DNAH8: variants seen among roughly 807,000 people sequenced by gnomAD.
DNAH8 encodes dynein axonemal heavy chain 8, also known as axonemal beta dynein heavy chain 8.
Under a neutral mutation model 562.1 loss-of-function variants are expected in DNAH8, and 382 were observed. The observed-to-expected ratio is 0.68, with a 90% CI of 0.63 to 0.74. The LOEUF is 0.74. DNAH8 is among the 30% of genes least tolerant of loss of function. The pLI, the probability that DNAH8 is intolerant of heterozygous loss-of-function variation, is 0.00. For missense variants in DNAH8, 5,203 were observed against 5,620.4 expected, an observed-to-expected ratio of 0.93 and a Z score of 2.37; for synonymous variants, 1,881 against 1,919.4, an observed-to-expected ratio of 0.98 and a Z score of 0.52.
intron 88 of DNAH8, among the ~76,000 whole-genome samples, chr6:39,004,076 C>T (rs1765650948): frequency 6.6e-6 from 1 of 151,964 alleles, no homozygotes; most frequent in African/African-American, 2.4e-5. Context: ...TTATTTTGGT[C>T]TAAAATTAAT....
At chr6:38,771,451 T>C (rs1026134779) in intron 12 of DNAH8, among the ~76,000 whole-genome samples, 1 of 152,326 alleles carries the variant, frequency 6.6e-6, no homozygotes, top group Middle Eastern at 3.4e-3. Flanking sequence ...TGTTTTCTAG[T>C]GTATTAACAG....
intron 76 of DNAH8, among the ~76,000 whole-genome samples, chr6:38,933,639 T>G (rs1285298916): frequency 6.6e-6 from 1 of 152,236 alleles, no homozygotes; most frequent in Non-Finnish European, 1.5e-5. Context: ...GGGTGACCAT[T>G]TTAATGAAAA....
chr6:38,789,164 T>G (rs149859559), intron 18 of DNAH8, among the ~76,000 whole-genome samples: 420 of 152,300 alleles, frequency 2.8e-3, no homozygotes, highest in Middle Eastern at 0.024. Flanking sequence ...GAAATAAAAC[T>G]TCAACTACAA....
At chr6:38,953,615 T>C (rs1762063588) in intron 82 of DNAH8, among the ~76,000 whole-genome samples, 1 of 152,152 alleles carries the variant, frequency 6.6e-6, no homozygotes, top group Admixed American at 6.5e-5. Flanking sequence ...AAATGAATTT[T>C]ATAAACAATT....
chr6:38,879,391 G>C (rs1362838507), intron 53 of DNAH8, among the ~76,000 whole-genome samples: 1 of 152,012 alleles, frequency 6.6e-6, no homozygotes, highest in Non-Finnish European at 1.5e-5. Context: ...GTATACAAAA[G>C]TCCAACTGTG....
At chr6:38,810,953 T>G (rs1261235707) in intron 24 of DNAH8, among the ~76,000 whole-genome samples, 2 of 152,188 alleles carry the variant, frequency 1.3e-5, no homozygotes, top group Non-Finnish European at 2.9e-5. Context: ...CTTTTAGTAC[T>G]TGGAAAGTAT....
intron 75 of DNAH8, chr6:38,931,449 G>GA (rs1344926723): frequency 6.5e-6 from 1 of 153,610 alleles, no homozygotes; most frequent in Non-Finnish European, 1.4e-5. Context: ...CTTAACTGGA[G>GA]AAAAAATAGC....
At chr6:38,730,079 T>G (rs1364734948) in intron 4 of DNAH8, 93 bp downstream of exon 4, 3 of 622,400 alleles carry the variant, frequency 4.8e-6, no homozygotes, top group Admixed American at 6.4e-5. Context: ...AATCCTTTAT[T>G]TATAAAGAAA....
chr6:38,762,332 A>G (rs1429888076), intron 11 of DNAH8, among the ~76,000 whole-genome samples: 2 of 152,226 alleles, frequency 1.3e-5, no homozygotes, highest in Non-Finnish European at 2.9e-5. Context: ...TGAGATGCTT[A>G]TAGAATTTTG....
intron 85 of DNAH8, among the ~76,000 whole-genome samples, chr6:38,976,180 C>T (rs987666536): frequency 4.6e-5 from 7 of 152,210 alleles, no homozygotes; most frequent in South Asian, 2.1e-4. Context: ...CCTGGACTTT[C>T]GTGCTTGCTG....
chr6:38,984,934 C>A (rs752080580), intron 87 of DNAH8, among the ~76,000 whole-genome samples: 8 of 152,226 alleles, frequency 5.3e-5, no homozygotes, highest in Non-Finnish European at 8.8e-5. Context: ...ACTGCCCCTC[C>A]TCCATCTTCC....
At chr6:38,716,349 T>G (rs558686594) in intron 1 of DNAH8, among the ~76,000 whole-genome samples, 48 of 152,194 alleles carry the variant, frequency 3.2e-4, no homozygotes, top group African/African-American at 1.1e-3. Context: ...ACCCTTCTCA[T>G]TCCCCTCTAG....
chr6:38,913,754 T>G (rs1781083168), intron 66 of DNAH8, 95 bp from the exon 67 acceptor site: 2 of 779,484 alleles, frequency 2.6e-6, no homozygotes, highest in African/African-American at 1.7e-5. Flanking sequence ...TTATATTACA[T>G]GTACAGTGCC....
chr6:38,982,207 T>C, intron 85 of DNAH8, 139 bp from the exon 86 acceptor site: 1 of 613,826 alleles, frequency 1.6e-6, no homozygotes, highest in Non-Finnish European at 3.0e-6. Flanking sequence ...CATGAATGTA[T>C]ATCCAAAATT....
At chr6:38,730,776 A>C (rs1763603344) in intron 4 of DNAH8, among the ~76,000 whole-genome samples, 1 of 151,982 alleles carries the variant, frequency 6.6e-6, no homozygotes, top group Non-Finnish European at 1.5e-5. Flanking sequence ...CTGATCTCCT[A>C]CTCTTCCAGA....
intron 65 of DNAH8, 70 bp downstream of exon 65, chr6:38,909,814 A>T (rs1402841305): frequency 3.2e-6 from 4 of 1,239,714 alleles, no homozygotes; most frequent in Admixed American, 3.7e-5. Flanking sequence ...ATGCATTGTA[A>T]CATCCAGCAG....
chr6:38,989,468 A>T lies in DNAH8; in HGVS notation c.13054-544A>T, dbSNP rs189957560. On this transcript the variant is annotated intron_variant, in intron 87 of 92. Coordinates refer to ENST00000327475, the MANE Select transcript of DNAH8 (RefSeq NM_001206927.2). ...CAAGGCAGCTGAATACATTTACTTC[A>T]TGTGGACAGGGACATAATTAGCAAA... Among the ~76,000 whole-genome samples, 21 of 152,346 alleles carry T rather than the reference A, an allele frequency of 1.4e-4. No homozygotes were observed. In the East Asian group the frequency reaches 3.7e-3, roughly 27 times the overall value.
intron 88 of DNAH8, among the ~76,000 whole-genome samples, chr6:39,005,859 A>G (rs1204512153): frequency 1.3e-5 from 2 of 152,150 alleles, no homozygotes. Context: ...GGCTCCTTTT[A>G]AGATGTTCAT....
intron 33 of DNAH8, 97 bp downstream of exon 33, chr6:38,838,139 C>T: frequency 1.3e-6 from 1 of 748,044 alleles, no homozygotes; most frequent in Admixed American, 2.7e-5. Flanking sequence ...ATGCAGAGGA[C>T]ACTACAGCTT....
Sources: gnomAD v4.1 joint callset for allele counts (sites outside exome capture counted in the v4.1 genomes callset) on GRCh38, gnomAD v4.1.1 for gene constraint, MANE v1.5 for transcripts, NCBI Gene and HGNC (gene_info 2026-07-23, HGNC 2026-07-21) for gene names.